URB1: variants seen among roughly 807,000 people sequenced by gnomAD.
URB1 encodes nucleolar pre-ribosomal-associated protein 1.
URB1 carries 197 observed loss-of-function variants against 242.3 expected under a neutral mutation model. The observed-to-expected ratio is 0.81, with a 90% CI of 0.72 to 0.91. The LOEUF (loss-of-function observed/expected upper bound fraction) is 0.91. Ranked by LOEUF, URB1 falls within the 40% of genes least tolerant of loss-of-function variation. URB1 has a pLI of 0.00. For synonymous variants in URB1, 1,153 were observed against 1,201.8 expected, an observed-to-expected ratio of 0.96 and a Z score of 0.84; for missense variants, 2,721 against 2,860.5, an observed-to-expected ratio of 0.95 and a Z score of 1.11.
chr21:32,392,021 C>T (rs2033644636), intron 1 of URB1, among the ~76,000 whole-genome samples: 1 of 150,996 alleles, frequency 6.6e-6, no homozygotes, highest in African/African-American at 2.4e-5. Context: ...AAGACCCTGT[C>T]GTTTAAAAAA....
intron 30 of URB1, among the ~76,000 whole-genome samples, chr21:32,332,030 GC>G (rs1162254978): frequency 6.6e-6 from 1 of 152,210 alleles, no homozygotes; most frequent in Non-Finnish European, 1.5e-5. Flanking sequence ...CCAGTGAGCA[GC>G]TGGGACCCCC....
Position 32,353,953 on chromosome 21 carries a change from A to C in URB1, c.2396T>G (p.Leu799Arg), listed in dbSNP as rs1296032054. ...GGTACCTGCTTCATTGCCTGTCCCA[A>C]GGAGCAACTTATTCCTGGCTTCCAG... Reference protein sequence around the residue: ...AALEARNKLLLGTGNEAAENV... With the variant: ...AALEARNKLLRGTGNEAAENV... The change falls in exon 18 of 39, where the codon CTT becomes CGT. Residue 799 changes from leucine to arginine, a missense_variant. Transcript: ENST00000382751. 1 of 1,551,762 alleles carries C rather than the reference A, an allele frequency of 6.4e-7. No individual in the cohort carries two copies. Among genetic ancestry groups the C allele is most frequent in the Non-Finnish European group, 8.7e-7 (1 of 1,147,002 alleles).
Position 32,311,704 on chromosome 21 carries a change from A to G in URB1, c.*3214T>C. The G allele has an allele frequency of 6.2e-7, 1 of 1,614,006 alleles. No homozygotes were observed. The highest frequency in any genetic ancestry group is 8.5e-7 in the Non-Finnish European group (1 of 1,179,980). ...CACAGGAACAGCCCCAAGCACCACCAAACATGCCCCTGGAGTCACGGCCTC... is the reference window on the plus strand; with the variant it reads ...CACAGGAACAGCCCCAAGCACCACCGAACATGCCCCTGGAGTCACGGCCTC... On this transcript the variant is annotated 3_prime_UTR_variant, in exon 39 of 39. Transcript: ENST00000382751.
intron 27 of URB1, 40 bp downstream of exon 27, chr21:32,337,364 C>T (rs1424500754): frequency 6.6e-7 from 1 of 1,525,546 alleles, no homozygotes; most frequent in Non-Finnish European, 8.9e-7. Context: ...GGCCCTCACT[C>T]CCTCCCCCTG....
At chr21:32,333,250 C>A in intron 30 of URB1, 67 bp downstream of exon 30, 3 of 1,308,962 alleles carry the variant, frequency 2.3e-6, no homozygotes, top group South Asian at 1.3e-5. Context: ...CAATAATTAC[C>A]ATAATCAACC....
intron 19 of URB1, among the ~76,000 whole-genome samples, chr21:32,352,423 G>A (rs1054611638): frequency 2.0e-5 from 3 of 152,110 alleles, no homozygotes; most frequent in Non-Finnish European, 4.4e-5. Flanking sequence ...AAAAGGAAGA[G>A]GCAACGCTCC....
At chr21:32,324,065 A>G (rs1345307137) in intron 32 of URB1, among the ~76,000 whole-genome samples, 1 of 152,174 alleles carries the variant, frequency 6.6e-6, no homozygotes, top group Non-Finnish European at 1.5e-5. Flanking sequence ...GGGCATGGGG[A>G]AGTCCAGGAC....
intron 30 of URB1, among the ~76,000 whole-genome samples, chr21:32,326,746 A>G (rs1168513944): frequency 6.6e-6 from 1 of 152,180 alleles, no homozygotes; most frequent in Non-Finnish European, 1.5e-5. Flanking sequence ...CATAATTGAA[A>G]GTTTCCTGAG....
chr21:32,383,067 A>C (rs1307738302), intron 4 of URB1, among the ~76,000 whole-genome samples: 1 of 152,232 alleles, frequency 6.6e-6, no homozygotes, highest in African/African-American at 2.4e-5. Context: ...GAGGACTGGC[A>C]CACACTACAA....
At chr21:32,363,402 G>C in intron 10 of URB1, 73 bp from the exon 11 acceptor site, 1 of 1,486,118 alleles carries the variant, frequency 6.7e-7, no homozygotes, top group Non-Finnish European at 9.0e-7. Context: ...GGCTTGGCTG[G>C]CATTTGCCCC....
At chr21:32,366,549 A>G in intron 10 of URB1, 69 bp downstream of exon 10, 1 of 1,537,702 alleles carries the variant, frequency 6.5e-7, no homozygotes, top group Non-Finnish European at 8.8e-7. Context: ...TTCTCAGAAT[A>G]ATCACATCAT....
At chr21:32,316,377 CT>C (rs2032685368) in intron 38 of URB1, 88 bp downstream of exon 38, 3 of 1,439,794 alleles carry the variant, frequency 2.1e-6, no homozygotes, top group Non-Finnish European at 1.8e-6. Context: ...CAGCAGAAAC[CT>C]GAGTGTTCTA....
intron 26 of URB1, among the ~76,000 whole-genome samples, chr21:32,338,079 T>TTAA (rs577556026): frequency 2.3e-3 from 346 of 152,358 alleles, no homozygotes; most frequent in Non-Finnish European, 4.5e-3. Flanking sequence ...CTTCGACTTA[T>TTAA]TAATAGCAGT....
At position 32,363,299 on chromosome 21, in the gene URB1, A is replaced by C. The variant is rs1336543941; in HGVS notation, c.1366T>G (p.Leu456Val). The C allele has an allele frequency of 1.3e-6, 2 of 1,551,544 alleles. No individual in the cohort carries two copies. The highest frequency in any genetic ancestry group is 2.7e-5 in the African/African-American group (2 of 73,050). ...TTCAAAATGACAGAAATAAGGGATA[A>C]GGCTGTGTGCCTCACTGAGGTGCTG... is the stretch of plus-strand genomic sequence containing the variant. Reference protein sequence around the residue: ...LDSTSVRHTALSLISVILKRA... With the variant: ...LDSTSVRHTAVSLISVILKRA... The change falls in exon 11 of 39, where the codon TTA becomes GTA. Residue 456 changes from leucine to valine, a missense_variant. By Grantham distance (32) the Leu-to-Val change is conservative (BLOSUM62 1). Coordinates refer to ENST00000382751, the MANE Select transcript of URB1 (RefSeq NM_014825.3).
Position 32,368,439 on chromosome 21 carries a change from C to G in URB1, c.1161G>C (p.Lys387Asn). The G allele has an allele frequency of 6.5e-7, 1 of 1,549,770 alleles. No individual in the cohort carries two copies. Among genetic ancestry groups the G allele is most frequent in the African/African-American group, 1.4e-5 (1 of 73,032 alleles). The change falls in exon 9 of 39, where the codon AAG (lysine) becomes AAC (asparagine). Residue 387 changes from lysine to asparagine, a missense_variant. By Grantham distance (94) the Lys-to-Asn change is moderately conservative (BLOSUM62 0). Transcript: ENST00000382751. ...GTTTGATATTATTTAACCAAGTAGA[C>G]TTCGCTCGTGGGATAAAGGAAAACG... ...EVTFSFIPRA[K>N]STWLNNIKLL...
chr21:32,366,581 AG>A, intron 10 of URB1, 36 bp downstream of exon 10: 1 of 1,549,836 alleles, frequency 6.5e-7, no homozygotes, highest in Non-Finnish European at 8.7e-7. Flanking sequence ...GTTTAGCTGG[AG>A]GCAGTTCCAG....
At chr21:32,392,579 T>C (rs1456503054) in intron 1 of URB1, among the ~76,000 whole-genome samples, 190 bp downstream of exon 1, 5 of 152,150 alleles carry the variant, frequency 3.3e-5, no homozygotes, top group African/African-American at 1.2e-4. Flanking sequence ...GTCGGGGCCC[T>C]CTCGCTGTCG....
chr21:32,352,675 C>T (rs1262322440), intron 19 of URB1, 35 bp downstream of exon 19: 1 of 1,549,036 alleles, frequency 6.5e-7, no homozygotes, highest in Admixed American at 2.0e-5. Flanking sequence ...GAACCCTGCA[C>T]AGCAGCAGTG....
chr21:32,358,617 T>C (rs918716134), intron 14 of URB1, among the ~76,000 whole-genome samples: 2 of 152,186 alleles, frequency 1.3e-5, no homozygotes, highest in African/African-American at 4.8e-5. Context: ...CCAGCAGATA[T>C]AAGCATAAGG....
Sources: allele counts gnomAD v4.1 joint callset (sites outside exome capture counted in the v4.1 genomes callset), GRCh38; gene constraint gnomAD v4.1.1; transcripts MANE v1.5; gene names NCBI Gene and HGNC (gene_info 2026-07-23, HGNC 2026-07-21).